The following TLN2 variants were observed in gnomAD, a reference collection of about 807,000 sequenced individuals.
TLN2 encodes the protein talin-2.
In TLN2, 118 loss-of-function variants were observed where a neutral mutation model predicts 294.7. That is an observed-to-expected ratio of 0.40 (90% CI 0.34 to 0.47). The LOEUF (loss-of-function observed/expected upper bound fraction) is 0.47. TLN2 is among the 20% of genes least tolerant of loss of function. TLN2 has a pLI of 0.84. For missense variants in TLN2, 3,083 were observed against 3,282.2 expected, an observed-to-expected ratio of 0.94 and a Z score of 1.48; for synonymous variants, 1,431 against 1,304.5, an observed-to-expected ratio of 1.10 and a Z score of -2.09.
At position 62,841,966 on chromosome 15, in the gene TLN2, C is replaced by CTTCT. The variant is rs2070750706; in HGVS notation, c.*1356_*1357insTTCT. On this transcript the variant is annotated 3_prime_UTR_variant, in exon 59 of 59. Transcript: ENST00000636159. ...AACAGTTAAAGGCACTCACCCTCCGCCTCTCTCTCTCTCTCTCTCTCTGGT... is the reference window on the plus strand; with the variant it reads ...AACAGTTAAAGGCACTCACCCTCCGCTTCTCTCTCTCTCTCTCTCTCTCTCTGGT... 6.7e-6 allele frequency: 1 copy of CTTCT among 149,380 alleles called. No individual in the cohort carries two copies. The highest frequency in any genetic ancestry group is 1.5e-5 in the Non-Finnish European group (1 of 67,238). The allele number at this position is 149,380 out of a possible 1,614,324, so 9.3% of individuals were successfully genotyped here.
intron 29 of TLN2, among the ~76,000 whole-genome samples, 194 bp from the exon 30 acceptor site, chr15:62,738,020 C>G (rs1024550665): frequency 2.0e-5 from 3 of 152,160 alleles, no homozygotes; most frequent in African/African-American, 7.2e-5. Flanking sequence ...GAATATTAAC[C>G]CCAATAAGAG....
chr15:62,674,247 G>A (rs553591706), intron 10 of TLN2, among the ~76,000 whole-genome samples: 1 of 152,216 alleles, frequency 6.6e-6, no homozygotes, highest in South Asian at 2.1e-4. Flanking sequence ...AGTGGAATTT[G>A]GAAATTAGTG....
chr15:62,701,860 G>A, intron 17 of TLN2, 132 bp from the exon 18 acceptor site: 1 of 1,022,182 alleles, frequency 9.8e-7, no homozygotes, highest in Non-Finnish European at 1.4e-6. Flanking sequence ...CCAGCTCACT[G>A]TGCTCATGTG....
intron 44 of TLN2, 63 bp from the exon 45 acceptor site, chr15:62,783,708 C>T: frequency 6.8e-7 from 1 of 1,480,660 alleles, no homozygotes; most frequent in Non-Finnish European, 9.0e-7. Context: ...ACATGGTTCT[C>T]ATGCGTTTCT....
At chr15:62,727,017 A>C in intron 27 of TLN2, 70 bp from the exon 28 acceptor site, 1 of 1,491,270 alleles carries the variant, frequency 6.7e-7, no homozygotes, top group Non-Finnish European at 9.2e-7. Flanking sequence ...TGATTTTTCT[A>C]AATTATTTTA....
At chr15:62,549,842 T>C (rs1281962465) in intron 1 of TLN2, among the ~76,000 whole-genome samples, 1 of 152,168 alleles carries the variant, frequency 6.6e-6, no homozygotes, top group Non-Finnish European at 1.5e-5. Flanking sequence ...AATGATGTCA[T>C]TTCCAGGAAG....
intron 1 of TLN2, among the ~76,000 whole-genome samples, chr15:62,430,530 A>G (rs138412160): frequency 1.3e-3 from 202 of 152,340 alleles, no homozygotes; most frequent in African/African-American, 4.8e-3. Flanking sequence ...AGGAGGTAGC[A>G]CTTGTTTGAG....
chr15:62,629,563 A>G (rs1254146009), intron 3 of TLN2, among the ~76,000 whole-genome samples: 1 of 152,032 alleles, frequency 6.6e-6, no homozygotes, highest in Non-Finnish European at 1.5e-5. Context: ...TTTTCCCCCA[A>G]ATGAGGTATT....
At chr15:62,533,251 C>G (rs2041150645) in intron 1 of TLN2, among the ~76,000 whole-genome samples, 1 of 61,866 alleles carries the variant, frequency 1.6e-5, no homozygotes, top group African/African-American at 6.0e-5. Flanking sequence ...GAGACTCTGT[C>G]TCAAAAAAAA....
At chr15:62,693,141 C>A (rs764405570) in intron 13 of TLN2, among the ~76,000 whole-genome samples, 200 bp downstream of exon 13, 1 of 152,100 alleles carries the variant, frequency 6.6e-6, no homozygotes, top group Non-Finnish European at 1.5e-5. Flanking sequence ...ACCAGTCTGG[C>A]CAACATGGCA....
chr15:62,652,335 G>A (rs2052684833), intron 6 of TLN2, among the ~76,000 whole-genome samples: 2 of 152,098 alleles, frequency 1.3e-5, no homozygotes, highest in African/African-American at 2.4e-5. Context: ...AGTCACAACG[G>A]AGGGCTTTCA....
intron 1 of TLN2, among the ~76,000 whole-genome samples, chr15:62,477,353 G>A (rs2037832871): frequency 6.6e-6 from 1 of 152,202 alleles, no homozygotes; most frequent in Non-Finnish European, 1.5e-5. Context: ...TTGTCCTGGA[G>A]TGTGACTCTT....
intron 54 of TLN2, chr15:62,831,000 A>G (rs2068781504): frequency 6.6e-6 from 1 of 151,814 alleles, no homozygotes; most frequent in South Asian, 2.1e-4. Context: ...TGGGTGTCAA[A>G]AATATTTCCA....
At chr15:62,431,190 G>T (rs997223188) in intron 1 of TLN2, among the ~76,000 whole-genome samples, 6 of 152,136 alleles carry the variant, frequency 3.9e-5, no homozygotes, top group Non-Finnish European at 7.4e-5. Context: ...AGTGTCCCCA[G>T]TCCTTGGTCA....
intron 3 of TLN2, 25 bp from the exon 4 acceptor site, chr15:62,647,250 G>C: frequency 6.4e-7 from 1 of 1,567,722 alleles, no homozygotes; most frequent in South Asian, 1.2e-5. Context: ...GTGAACATCA[G>C]GGTTTGTCTC....
In TLN2 at chr15:62,656,147, T is replaced by C. The variant is rs2053182361; in HGVS notation, c.660+61T>C. 9.4e-6 allele frequency: 15 copies of C among 1,592,224 alleles called. No homozygotes were observed. In the South Asian group the frequency reaches 1.6e-4, roughly 17 times the overall value. On this transcript the variant is annotated intron_variant, in intron 8 of 58. Coordinates refer to ENST00000636159, the MANE Select transcript of TLN2 (RefSeq NM_015059.3). Reference sequence around the variant, plus strand: ...AGATTGCAGGAAGCTCCTGGCTGTATCTTGTGGCGAGCAGGAGGGCGGCGC... The same window carrying C: ...AGATTGCAGGAAGCTCCTGGCTGTACCTTGTGGCGAGCAGGAGGGCGGCGC...
chr15:62,447,948 A>C (rs2035913357), intron 1 of TLN2, among the ~76,000 whole-genome samples: 1 of 152,214 alleles, frequency 6.6e-6, no homozygotes, highest in Non-Finnish European at 1.5e-5. Context: ...GTGACACCAG[A>C]ATAGAACTTG....
chr15:62,604,054 A>G (rs1197458997), intron 2 of TLN2, among the ~76,000 whole-genome samples: 1 of 152,200 alleles, frequency 6.6e-6, no homozygotes, highest in African/African-American at 2.4e-5. Context: ...CTGAAATCTG[A>G]ATGTCATATA....
chr15:62,513,222 C>T (rs2040020530), intron 1 of TLN2, among the ~76,000 whole-genome samples: 1 of 152,196 alleles, frequency 6.6e-6, no homozygotes, highest in African/African-American at 2.4e-5. Context: ...CAGCCCCCTC[C>T]TTACTGCTTT....
Sources: gnomAD v4.1 joint callset for allele counts (sites outside exome capture counted in the v4.1 genomes callset) on GRCh38, gnomAD v4.1.1 for gene constraint, MANE v1.5 for transcripts, NCBI Gene and HGNC (gene_info 2026-07-23, HGNC 2026-07-21) for gene names.